The following ANAPC10 variants were observed in gnomAD, a reference collection of about 807,000 sequenced individuals.
The protein encoded by ANAPC10 is anaphase promoting complex subunit 10.
In ANAPC10, 12 loss-of-function variants were observed where a neutral mutation model predicts 22.0. The observed-to-expected ratio is 0.55, with a 90% CI of 0.35 to 0.88. The LOEUF is 0.88. Ranked by LOEUF, ANAPC10 falls within the 40% of genes least tolerant of loss-of-function variation. ANAPC10 has a pLI of 0.01. For missense variants in ANAPC10, 188 were observed against 220.9 expected (o/e 0.85, Z 0.94); for synonymous variants, 65 against 69.5 (o/e 0.94, Z 0.32).
chr4:145,024,441 A>G (rs1020174853), intron 4 of ANAPC10, among the ~76,000 whole-genome samples: 8 of 152,244 alleles, frequency 5.3e-5, no homozygotes, highest in African/African-American at 1.9e-4. Context: ...AATAATAAGA[A>G]TTGAAAGTTA....
chr4:145,001,134 G>A (rs1732483136), intron 4 of ANAPC10, among the ~76,000 whole-genome samples: 1 of 149,318 alleles, frequency 6.7e-6, no homozygotes, highest in Non-Finnish European at 1.5e-5. Context: ...GTATACCTAT[G>A]TAACAAACCT....
chr4:145,071,468 TAAA>T (rs536617792), intron 3 of ANAPC10, among the ~76,000 whole-genome samples: 6 of 151,904 alleles, frequency 3.9e-5, no homozygotes, highest in African/African-American at 1.4e-4. Flanking sequence ...TCACTACAAA[TAAA>T]AAAAATCTTT....
chr4:145,040,129 ATGTGTGTGTG>A lies in ANAPC10; in HGVS notation c.327+24433_327+24442del, dbSNP rs35260688. ...TATGCTTTTGTTTTAGTGTGTGTGTATGTGTGTGTGTGTGTGTGTGTGTGTGTGTGTGTGT... is the reference window on the plus strand; with the variant it reads ...TATGCTTTTGTTTTAGTGTGTGTGTATGTGTGTGTGTGTGTGTGTGTGTGT... On this transcript the variant is annotated intron_variant, in intron 4 of 4. Transcript: ENST00000507656. Among the ~76,000 whole-genome samples, 192 of 148,882 alleles carry A rather than the reference ATGTGTGTGTG, an allele frequency of 1.3e-3. No homozygotes were observed. The South Asian group carries it at 0.031, about 24-fold the overall frequency.
intron 4 of ANAPC10, among the ~76,000 whole-genome samples, chr4:145,055,843 C>T (rs530447052): frequency 2.0e-5 from 3 of 152,222 alleles, no homozygotes; most frequent in South Asian, 2.1e-4. Flanking sequence ...TTCATAACCA[C>T]GTGAATACCA....
intron 4 of ANAPC10, among the ~76,000 whole-genome samples, chr4:145,028,088 G>A (rs146787682): frequency 1.2e-3 from 183 of 152,238 alleles, no homozygotes; most frequent in African/African-American, 3.9e-3. Flanking sequence ...GCTGTTAGAT[G>A]GTGTGATGGT....
chr4:145,016,780 CCAATG>C (rs895477500), intron 4 of ANAPC10, among the ~76,000 whole-genome samples: 6 of 152,134 alleles, frequency 3.9e-5, no homozygotes, highest in Non-Finnish European at 8.8e-5. Context: ...GATATACAGA[CCAATG>C]CAACAGAACA....
chr4:145,043,415 A>G (rs34791042), intron 4 of ANAPC10, among the ~76,000 whole-genome samples: 12 of 152,082 alleles, frequency 7.9e-5, no homozygotes, highest in African/African-American at 2.9e-4. Context: ...GGTTCACATG[A>G]TAGAACAATG....
At chr4:145,013,927 C>T (rs1434870493) in intron 4 of ANAPC10, among the ~76,000 whole-genome samples, 1 of 151,992 alleles carries the variant, frequency 6.6e-6, no homozygotes, top group Non-Finnish European at 1.5e-5. Flanking sequence ...TGGAAAAGGC[C>T]CTGGGAGCTT....
rs1743416793 is a variant in ANAPC10, at chr4:145,064,699, G to A, written c.207-7C>T. ...CTTCACTGTTGTTTTTCTTCTAAAA[G>A]CAATAAAGTAAAAATAACATGCACT... On this transcript the variant is annotated splice_region_variant and splice_polypyrimidine_tract_variant and intron_variant, in intron 3 of 4. Coordinates refer to ENST00000507656, the MANE Select transcript of ANAPC10 (RefSeq NM_001256706.2). The A allele has an allele frequency of 1.3e-6, 2 of 1,494,548 alleles. No homozygotes were observed. The highest frequency in any genetic ancestry group is 1.4e-5 in the African/African-American group (1 of 71,196). The allele number at this position is 1,494,548 out of a possible 1,614,324, so 92.6% of individuals were successfully genotyped here. A position where few individuals can be genotyped will look rare whatever the true frequency, so the allele number is the denominator to read the frequency against.
chr4:145,067,323 C>G (rs1275415618), intron 3 of ANAPC10, among the ~76,000 whole-genome samples: 1 of 152,080 alleles, frequency 6.6e-6, no homozygotes, highest in African/African-American at 2.4e-5. Context: ...TCACTATACG[C>G]CAGGCATCGT....
chr4:145,097,349 G>C (rs902427905), intron 1 of ANAPC10: 1 of 549,714 alleles, frequency 1.8e-6, no homozygotes, highest in African/African-American at 2.0e-5. Flanking sequence ...CACATCTTTT[G>C]TTAATTTTAC....
At chr4:144,996,200 T>A (rs941097595) in intron 4 of ANAPC10, among the ~76,000 whole-genome samples, 25 of 152,192 alleles carry the variant, frequency 1.6e-4, no homozygotes, top group African/African-American at 6.0e-4. Context: ...GGCTCTACAC[T>A]CCGAAACAGG....
intron 2 of ANAPC10, among the ~76,000 whole-genome samples, chr4:145,094,230 G>A (rs1425941268): frequency 2.0e-5 from 3 of 152,116 alleles, no homozygotes; most frequent in Non-Finnish European, 4.4e-5. Context: ...CTAAATGAAA[G>A]ACACTAGACC....
chr4:145,024,762 TTCAACTTAAAGTCACCAGCTGCA>T (rs1736419574), intron 4 of ANAPC10, among the ~76,000 whole-genome samples: 1 of 152,168 alleles, frequency 6.6e-6, no homozygotes, highest in South Asian at 2.1e-4. Context: ...GAGTGCTGCC[TTCAACTTAAAGTCACCAGCTGCA>T]TCAGCCCCTA....
chr4:145,057,968 T>A (rs1742314052), intron 4 of ANAPC10, among the ~76,000 whole-genome samples: 1 of 152,196 alleles, frequency 6.6e-6, no homozygotes, highest in Admixed American at 6.5e-5. Flanking sequence ...TAATATTATA[T>A]CTACCTGGTC....
In ANAPC10 at chr4:145,077,779, A is replaced by G. The variant is rs376287235; in HGVS notation, c.206+3881T>C. 7.2e-5 allele frequency among the ~76,000 whole-genome samples: 11 copies of G among 152,212 alleles called. No homozygotes were observed. The East Asian group carries it at 7.7e-4, about 11-fold the overall frequency. ...CAGAACTAAAAACAAAAACCACATCATCATCTCAAGAGATGCAGAAAAGGC... is the reference window on the plus strand; with the variant it reads ...CAGAACTAAAAACAAAAACCACATCGTCATCTCAAGAGATGCAGAAAAGGC... On this transcript the variant is annotated intron_variant, in intron 3 of 4. Coordinates refer to ENST00000507656, the MANE Select transcript of ANAPC10 (RefSeq NM_001256706.2).
intron 4 of ANAPC10, among the ~76,000 whole-genome samples, chr4:144,998,058 C>G (rs1024737780): frequency 6.6e-6 from 1 of 152,178 alleles, no homozygotes. Flanking sequence ...GCACCCAATA[C>G]AGGAGCACCC....
At chr4:145,056,493 G>A (rs929005122) in intron 4 of ANAPC10, among the ~76,000 whole-genome samples, 1 of 152,082 alleles carries the variant, frequency 6.6e-6, no homozygotes, top group Non-Finnish European at 1.5e-5. Flanking sequence ...TAAAAAACTC[G>A]CTTTCACTTT....
At chr4:145,055,729 TAG>T (rs1741970246) in intron 4 of ANAPC10, among the ~76,000 whole-genome samples, 1 of 152,024 alleles carries the variant, frequency 6.6e-6, no homozygotes, top group Non-Finnish European at 1.5e-5. Context: ...AAACAAAAAC[TAG>T]AACAGTGCTC....
Sources: gnomAD v4.1 joint callset for allele counts (sites outside exome capture counted in the v4.1 genomes callset) on GRCh38, gnomAD v4.1.1 for gene constraint, MANE v1.5 for transcripts, NCBI Gene and HGNC (gene_info 2026-07-23, HGNC 2026-07-21) for gene names.